SLC22A25: variants seen among roughly 807,000 people sequenced by gnomAD.
SLC22A25 encodes the protein solute carrier family 22 member 25, also known as MGI:2442751, MGI:2385316, MGI:3042283, MGI:3645714, MGI:3605624, MGI:2442750.
A neutral mutation model predicts 45.9 loss-of-function variants in SLC22A25; 44 were observed. That is an observed-to-expected ratio of 0.96 (90% confidence interval 0.75 to 1.23). The LOEUF (loss-of-function observed/expected upper bound fraction) is 1.23, where lower values mean the gene tolerates loss of function less well. Among genes scored for constraint, SLC22A25 ranks in the 50% most tolerant of loss-of-function variants. SLC22A25 has a pLI of 0.00. For missense variants in SLC22A25, 800 were observed against 666.4 expected (o/e 1.20, Z -2.21); for synonymous variants, 283 against 238.6 (o/e 1.19, Z -1.72).
intron 7 of SLC22A25, among the ~76,000 whole-genome samples, chr11:63,200,517 A>G (rs1345366217): frequency 6.6e-6 from 1 of 152,010 alleles, no homozygotes; most frequent in Non-Finnish European, 1.5e-5. Flanking sequence ...TCAAAATAGT[A>G]AGTGCCATCT....
At chr11:63,224,021 G>A (rs568160833) in intron 5 of SLC22A25, among the ~76,000 whole-genome samples, 8 of 152,068 alleles carry the variant, frequency 5.3e-5, no homozygotes, top group African/African-American at 1.9e-4. Context: ...TTGATTTTCT[G>A]TCTGGAAGAT....
At position 63,183,727 on chromosome 11, in the gene SLC22A25, T is replaced by G. The variant is rs1335791731; in HGVS notation, c.921A>C (p.Gly307=). The G allele has an allele frequency of 6.2e-7, 1 of 1,613,204 alleles. No individual in the cohort carries two copies. Among genetic ancestry groups the G allele is most frequent in the Admixed American group, 1.7e-5 (1 of 59,956 alleles). ...KELRKAAHRN[G]MKNAEDILTM... ...TTAGGATGTCTTCAGCATTCTTCAT[T>G]CCATTCCTGTGTGCAGCTTTTCTAA... The change falls in exon 8 of 12, where the codon GGA becomes GGC. Residue 307 remains glycine, a synonymous_variant. Coordinates refer to ENST00000306494, the MANE Select transcript of SLC22A25 (RefSeq NM_199352.6).
rs945723923 is a variant in SLC22A25 at position 63,162,940 on chromosome 11, G to T, written c.*884C>A. Among the ~76,000 whole-genome samples the T allele has an allele frequency of 1.3e-5, 2 of 152,094 alleles. No individual in the cohort carries two copies. The highest frequency in any genetic ancestry group is 2.4e-5 in the African/African-American group (1 of 41,402). On this transcript the variant is annotated 3_prime_UTR_variant, in exon 12 of 12. Transcript: ENST00000306494. ...GTCACTTTGCTGCAGGTATCTTCCT[G>T]CCCTGCTTTTCTGGAGCATCTTCTC...
rs372247903 is a variant in SLC22A25, at chr11:63,164,640, G to C, written c.1286-6C>G. The C allele has an allele frequency of 9.3e-6, 15 of 1,611,814 alleles. No individual in the cohort carries two copies. The African/African-American group carries it at 1.6e-4, about 17-fold the overall frequency. On this transcript the variant is annotated splice_region_variant and splice_polypyrimidine_tract_variant and intron_variant, in intron 10 of 11. Coordinates refer to ENST00000306494, the MANE Select transcript of SLC22A25 (RefSeq NM_199352.6). ...CACACGCAGGGTCTGCATTTCTGGA[G>C]AAAGGAAGACCACAGGGCCTCAGGA...
At chr11:63,218,221 T>C in intron 5 of SLC22A25, 1 of 368,136 alleles carries the variant, frequency 2.7e-6, no homozygotes, top group African/African-American at 2.1e-5. Flanking sequence ...ATGGAGGCCA[T>C]TTTCCTAAGT....
chr11:63,189,732 C>T (rs2134751224), intron 7 of SLC22A25, among the ~76,000 whole-genome samples: 1 of 152,314 alleles, frequency 6.6e-6, no homozygotes, highest in East Asian at 1.9e-4. Context: ...TCTTTTAAGG[C>T]AGGCCTAATG....
chr11:63,209,767 C>T (rs1386989842), intron 7 of SLC22A25, among the ~76,000 whole-genome samples: 1 of 152,162 alleles, frequency 6.6e-6, no homozygotes, highest in East Asian at 1.9e-4. Context: ...TTGGTGAATT[C>T]TATTATTATG....
intron 7 of SLC22A25, 84 bp downstream of exon 7, chr11:63,217,230 G>A (rs1009446151): frequency 4.1e-6 from 6 of 1,473,638 alleles, no homozygotes; most frequent in Non-Finnish European, 5.5e-6. Flanking sequence ...CTAGATAGAG[G>A]ATCAAATGGA....
chr11:63,217,763 G>T lies in SLC22A25; in HGVS notation c.507-28C>A, dbSNP rs2089755640. On this transcript the variant is annotated intron_variant, in intron 5 of 11. Transcript: ENST00000306494. ...GAGAAACAGGGGCACATTAGATAATGGGAACAATAACAACCTTTGGGAAAT... is the reference window on the plus strand; with the variant it reads ...GAGAAACAGGGGCACATTAGATAATTGGAACAATAACAACCTTTGGGAAAT... 3 of 1,582,816 alleles carry T rather than the reference G, an allele frequency of 1.9e-6. No homozygotes were observed. The Admixed American group carries it at 5.7e-5, about 30-fold the overall frequency.
At chr11:63,201,507 T>G (rs568844875) in intron 7 of SLC22A25, among the ~76,000 whole-genome samples, 45 of 152,234 alleles carry the variant, frequency 3.0e-4, no homozygotes, top group African/African-American at 9.9e-4. Flanking sequence ...AAAAATTAAC[T>G]CAATATAAAT....
rs1418250936 is a variant in SLC22A25, at chr11:63,161,209, AT to A, written c.*2614del. Among the ~76,000 whole-genome samples, 1 of 152,162 alleles carries A rather than the reference AT, an allele frequency of 6.6e-6. No homozygotes were observed. The highest frequency in any genetic ancestry group is 6.5e-5 in the Admixed American group (1 of 15,274). The stretch of plus-strand genomic sequence containing the variant: ...CATTTGGAATGGATGTATTTATCCA[AT>A]GCCTGTACCCCCATTGTATCTAGGA... On this transcript the variant is annotated 3_prime_UTR_variant, in exon 12 of 12. Transcript: ENST00000306494.
At chr11:63,227,248 G>A (rs1379929866) in intron 5 of SLC22A25, among the ~76,000 whole-genome samples, 2 of 152,010 alleles carry the variant, frequency 1.3e-5, no homozygotes, top group African/African-American at 4.8e-5. Flanking sequence ...TGAATATGCT[G>A]GGCCACACCT....
intron 9 of SLC22A25, among the ~76,000 whole-genome samples, chr11:63,171,859 G>A (rs934780212): frequency 3.9e-5 from 6 of 152,144 alleles, no homozygotes; most frequent in African/African-American, 1.4e-4. Context: ...ACAATGCTAA[G>A]CAAAAAGAAC....
chr11:63,195,563 A>G (rs1383172931), intron 7 of SLC22A25, among the ~76,000 whole-genome samples: 1 of 152,250 alleles, frequency 6.6e-6, no homozygotes, highest in African/African-American at 2.4e-5. Context: ...CAACGAGAAC[A>G]AAGACACAAC....
At chr11:63,173,594 C>A (rs1413624413) in intron 9 of SLC22A25, among the ~76,000 whole-genome samples, 2 of 152,132 alleles carry the variant, frequency 1.3e-5, no homozygotes, top group Non-Finnish European at 2.9e-5. Context: ...AACTTGGAGC[C>A]ATCTCTCCTG....
At chr11:63,186,916 G>A (rs1449015469) in intron 7 of SLC22A25, among the ~76,000 whole-genome samples, 3 of 152,024 alleles carry the variant, frequency 2.0e-5, no homozygotes, top group African/African-American at 4.8e-5. Context: ...CTCTGTTTTG[G>A]TACCAGTACC....
At position 63,161,117 on chromosome 11, in the gene SLC22A25, G is replaced by A. The variant is rs1456403285; in HGVS notation, c.*2707C>T. Among the ~76,000 whole-genome samples, 12 of 152,148 alleles carry A rather than the reference G, an allele frequency of 7.9e-5. No homozygotes were observed. Among genetic ancestry groups the A allele is most frequent in the Admixed American group, 6.5e-4 (10 of 15,272 alleles). ...AGGCCTCACAATCATGGTGGAAGAC[G>A]ATTCCCATGTAGTCAGTGCCTTTTA... On this transcript the variant is annotated 3_prime_UTR_variant, in exon 12 of 12. Transcript: ENST00000306494.
chr11:63,176,230 G>C (rs2088084108), intron 9 of SLC22A25, among the ~76,000 whole-genome samples: 1 of 151,950 alleles, frequency 6.6e-6, no homozygotes, highest in African/African-American at 2.4e-5. Flanking sequence ...TAGGATTTTA[G>C]GATTTTTTTC....
chr11:63,163,870 T>A lies in SLC22A25; in HGVS notation c.1598A>T (p.Glu533Val), dbSNP rs1306649036. 1 of 1,613,896 alleles carries A rather than the reference T, an allele frequency of 6.2e-7. No homozygotes were observed. Among genetic ancestry groups the A allele is most frequent in the African/African-American group, 1.3e-5 (1 of 75,014 alleles). Reference protein sequence around the residue: ...LLDSIQDVENEGVNSLAAPQR... With the variant: ...LLDSIQDVENVGVNSLAAPQR... ...AGGGGCAGCTAGGCTATTTACTCCC[T>A]CATTTTCCACATCCTGGATGCTGTC... is the stretch of plus-strand genomic sequence containing the variant. Residue 533 changes from glutamate (E) to valine (V), a missense_variant, in exon 12 of 12, where the codon GAG (glutamate) becomes GTG (valine). By Grantham distance (121) the Glu-to-Val change is moderately radical (BLOSUM62 -2). Coordinates refer to ENST00000306494, the MANE Select transcript of SLC22A25 (RefSeq NM_199352.6).
Sources: allele counts gnomAD v4.1 joint callset (sites outside exome capture counted in the v4.1 genomes callset), GRCh38; gene constraint gnomAD v4.1.1; transcripts MANE v1.5; gene names NCBI Gene and HGNC (gene_info 2026-07-23, HGNC 2026-07-21).